Variants in HMCN1 observed in about 807,000 individuals in gnomAD.
HMCN1 encodes the protein hemicentin 1.
A neutral mutation model predicts 625.9 loss-of-function variants in HMCN1; 321 were observed. That is an observed-to-expected ratio of 0.51 (90% CI 0.47 to 0.56). The LOEUF (loss-of-function observed/expected upper bound fraction) is 0.56, where lower values mean the gene tolerates loss of function less well. HMCN1 is among the 20% of genes least tolerant of loss of function. HMCN1 has a pLI of 0.00. For synonymous variants in HMCN1, 2,425 were observed against 2,417.6 expected, an observed-to-expected ratio of 1.00 and a Z score of -0.09; for missense variants, 6,588 against 6,887.3, an observed-to-expected ratio of 0.96 and a Z score of 1.54.
rs888252486 is a variant in HMCN1 at position 186,153,741 on chromosome 1, T to A, written c.15019-9T>A. ...ATATTGATCTTCAAATCCACATTGT[T>A]CTCCTTAGGATTACACAGAGGACTA... On this transcript the variant is annotated splice_polypyrimidine_tract_variant and intron_variant, in intron 96 of 106. Transcript: ENST00000271588. The A allele has an allele frequency of 3.7e-6, 6 of 1,610,450 alleles. No homozygotes were observed. Among genetic ancestry groups the A allele is most frequent in the Non-Finnish European group, 5.1e-6 (6 of 1,176,658 alleles).
At chr1:186,070,974 C>CATAA (rs1392832125) in intron 52 of HMCN1, among the ~76,000 whole-genome samples, 2 of 151,808 alleles carry the variant, frequency 1.3e-5, no homozygotes, top group Non-Finnish European at 2.9e-5. Context: ...GGAAAGTTTG[C>CATAA]ATAATTATTT....
At chr1:186,005,128 ATTT>A (rs1173408596) in intron 29 of HMCN1, among the ~76,000 whole-genome samples, 7 of 149,042 alleles carry the variant, frequency 4.7e-5, no homozygotes, top group Middle Eastern at 4.0e-3. Context: ...TTTATAAACA[ATTT>A]TTTAATTGTT....
intron 11 of HMCN1, among the ~76,000 whole-genome samples, chr1:185,945,750 C>A (rs1437414003): frequency 6.6e-6 from 1 of 152,088 alleles, no homozygotes; most frequent in Non-Finnish European, 1.5e-5. Flanking sequence ...TGCAAAGCAA[C>A]AAAAGAATGA....
At chr1:185,939,706 G>A (rs1667991187) in intron 11 of HMCN1, among the ~76,000 whole-genome samples, 1 of 152,064 alleles carries the variant, frequency 6.6e-6, no homozygotes, top group Admixed American at 6.5e-5. Context: ...TTATGCATGA[G>A]TAATTTCTTC....
chr1:186,088,592 G>A lies in HMCN1; in HGVS notation c.9578-14G>A. 3 of 1,609,846 alleles carry A rather than the reference G, an allele frequency of 1.9e-6. No individual in the cohort carries two copies. Among genetic ancestry groups the A allele is most frequent in the Non-Finnish European group, 2.5e-6 (3 of 1,177,756 alleles). On this transcript the variant is annotated splice_polypyrimidine_tract_variant and intron_variant, in intron 62 of 106. Coordinates refer to ENST00000271588, the MANE Select transcript of HMCN1 (RefSeq NM_031935.3). ...GTTTTTTTATGTTTTATTGTGCTTT[G>A]TTTCTACCTCTAGAAAATTCTGACT...
Position 186,126,164 on chromosome 1 carries a change from G to A in HMCN1, c.12690+370G>A, listed in dbSNP as rs1661633159. On this transcript the variant is annotated intron_variant, in intron 82 of 106. Transcript: ENST00000271588. ...TTTTCAATTCTTTAGTGCTTCAAGG[G>A]GAAAAATGTTAAACTTTTTTAAAAA... Among the ~76,000 whole-genome samples, 3 of 151,772 alleles carry A rather than the reference G, an allele frequency of 2.0e-5. No homozygotes were observed. In the South Asian group the frequency reaches 6.2e-4, roughly 32 times the overall value.
At chr1:186,041,189 A>C (rs899923411) in intron 40 of HMCN1, 53 bp downstream of exon 40, 6 of 1,498,766 alleles carry the variant, frequency 4.0e-6, no homozygotes, top group Non-Finnish European at 5.6e-6. Flanking sequence ...TTTGGGTCCT[A>C]AAATCATTGA....
At chr1:186,158,150 A>G (rs1269112589) in intron 97 of HMCN1, among the ~76,000 whole-genome samples, 4 of 148,340 alleles carry the variant, frequency 2.7e-5, no homozygotes, top group Non-Finnish European at 5.9e-5. Flanking sequence ...GTGTGAGATG[A>G]TATCTCATTG....
chr1:186,004,647 A>G (rs759636828), intron 29 of HMCN1, among the ~76,000 whole-genome samples: 1 of 152,144 alleles, frequency 6.6e-6, no homozygotes, highest in Non-Finnish European at 1.5e-5. Flanking sequence ...AATGTTGACT[A>G]GAGTATGGGA....
chr1:185,941,115 A>G (rs1464520623), intron 11 of HMCN1, among the ~76,000 whole-genome samples: 2 of 152,130 alleles, frequency 1.3e-5, no homozygotes, highest in Non-Finnish European at 2.9e-5. Flanking sequence ...TCGGCCTCCC[A>G]AAGTGCTGAG....
At chr1:185,893,996 G>A (rs554286237) in intron 4 of HMCN1, among the ~76,000 whole-genome samples, 21 of 152,024 alleles carry the variant, frequency 1.4e-4, no homozygotes, top group South Asian at 8.3e-4. Flanking sequence ...TTAGCCAGGC[G>A]TAGTGGCGGG....
At chr1:185,970,142 A>G (rs1464802121) in intron 14 of HMCN1, among the ~76,000 whole-genome samples, 193 bp from the exon 15 acceptor site, 4 of 152,210 alleles carry the variant, frequency 2.6e-5, no homozygotes, top group Non-Finnish European at 5.9e-5. Context: ...TACAGATATA[A>G]ATAGAAAATA....
intron 1 of HMCN1, among the ~76,000 whole-genome samples, chr1:185,834,939 A>G (rs1661077085): frequency 6.6e-6 from 1 of 152,212 alleles, no homozygotes. Context: ...TTATATAGAA[A>G]AAATATAAAT....
intron 64 of HMCN1, among the ~76,000 whole-genome samples, chr1:186,092,404 C>A (rs1337972656): frequency 6.6e-6 from 1 of 151,750 alleles, no homozygotes; most frequent in Non-Finnish European, 1.5e-5. Context: ...CATTTAATAA[C>A]AAGATATAAT....
At chr1:185,813,139 A>G (rs575541698) in intron 1 of HMCN1, among the ~76,000 whole-genome samples, 5 of 152,304 alleles carry the variant, frequency 3.3e-5, no homozygotes, top group African/African-American at 7.2e-5. Context: ...ACTTGGCCCC[A>G]TAATAGTTGC....
intron 46 of HMCN1, among the ~76,000 whole-genome samples, chr1:186,061,204 A>G (rs1359393030): frequency 6.6e-6 from 1 of 152,062 alleles, no homozygotes; most frequent in Non-Finnish European, 1.5e-5. Context: ...TATAAAGGAG[A>G]GAGGTTTAAT....
chr1:186,024,315 A>G (rs1654918814), intron 36 of HMCN1, among the ~76,000 whole-genome samples: 1 of 152,122 alleles, frequency 6.6e-6, no homozygotes, highest in Non-Finnish European at 1.5e-5. Flanking sequence ...TAAGGCCTTT[A>G]TCTCTTCCTA....
chr1:185,893,971 A>G (rs2102418319), intron 4 of HMCN1, among the ~76,000 whole-genome samples: 1 of 152,102 alleles, frequency 6.6e-6, no homozygotes, highest in African/African-American at 2.4e-5. Context: ...ATCAAAAAAC[A>G]TAGATTACAA....
intron 103 of HMCN1, among the ~76,000 whole-genome samples, chr1:186,178,018 A>G (rs1203583368): frequency 6.6e-6 from 1 of 152,180 alleles, no homozygotes. Context: ...ACGTGTAAAA[A>G]TGTATACCAA....
Sources: gnomAD v4.1 joint callset for allele counts (sites outside exome capture counted in the v4.1 genomes callset) on GRCh38, gnomAD v4.1.1 for gene constraint, MANE v1.5 for transcripts, NCBI Gene and HGNC (gene_info 2026-07-23, HGNC 2026-07-21) for gene names.